CADM2: variants seen among roughly 807,000 people sequenced by gnomAD.
The protein encoded by CADM2 is cell adhesion molecule 2.
CADM2 carries 12 observed loss-of-function variants against 49.8 expected under a neutral mutation model. The observed-to-expected ratio is 0.24, with a 90% CI of 0.15 to 0.39. The LOEUF (loss-of-function observed/expected upper bound fraction) is 0.39. Among genes scored for constraint, CADM2 ranks in the 10% least tolerant of loss-of-function variants. The pLI, the probability that CADM2 is intolerant of heterozygous loss-of-function variation, is 1.00. For missense variants in CADM2, 378 were observed against 492.3 expected (o/e 0.77, Z 2.20); for synonymous variants, 214 against 175.4 (o/e 1.22, Z -1.74).
intron 1 of CADM2, among the ~76,000 whole-genome samples, chr3:85,327,338 C>T (rs1040393445): frequency 2.0e-5 from 3 of 151,942 alleles, no homozygotes; most frequent in Non-Finnish European, 2.9e-5. Flanking sequence ...TCACTGCAAC[C>T]TCCACCTCCC....
At position 85,886,289 on chromosome 3, in the gene CADM2, C is replaced by T; in HGVS notation, c.491C>T (p.Ala164Val). 2 of 1,613,352 alleles carry T rather than the reference C, an allele frequency of 1.2e-6. No homozygotes were observed. The highest frequency in any genetic ancestry group is 1.7e-6 in the Non-Finnish European group (2 of 1,179,700). ...AAAACATCTGGTAGTAAACCTGCAG[C>T]TGATATAAGATGGTTCAAAAATGAC... ...TCKTSGSKPA[A>V]DIRWFKNDKE... The change falls in exon 5 of 10, where the codon GCT becomes GTT. Residue 164 changes from alanine to valine, a missense_variant. Ala to Val is a moderately conservative substitution (Grantham distance 64, BLOSUM62 0). Coordinates refer to ENST00000383699, the MANE Select transcript of CADM2 (RefSeq NM_001167675.2).
intron 1 of CADM2, among the ~76,000 whole-genome samples, chr3:85,273,022 C>G (rs1384444280): frequency 1.3e-5 from 2 of 150,944 alleles, no homozygotes; most frequent in East Asian, 3.9e-4. Flanking sequence ...GTGAAGGAGC[C>G]TTATCATTGC....
rs1402794842 is a variant in CADM2 at position 85,430,877 on chromosome 3, T to G, written c.62-295645T>G. Among the ~76,000 whole-genome samples the G allele has an allele frequency of 2.0e-5, 3 of 152,060 alleles. No individual in the cohort carries two copies. In the South Asian group the frequency reaches 6.2e-4, roughly 31 times the overall value. On this transcript the variant is annotated intron_variant, in intron 1 of 9. Transcript: ENST00000383699. ...ACAGTATTTTTAAGAATTTGGCCTA[T>G]TAAAGGAGCAGAAGGTACTAACTAA... is the stretch of plus-strand genomic sequence containing the variant.
intron 7 of CADM2, among the ~76,000 whole-genome samples, chr3:85,953,579 G>A (rs916075206): frequency 6.6e-6 from 1 of 150,734 alleles, no homozygotes; most frequent in African/African-American, 2.4e-5. Context: ...CCTAATATAG[G>A]TGATGAATCT....
intron 2 of CADM2, among the ~76,000 whole-genome samples, chr3:85,778,728 T>G (rs1392684695): frequency 6.6e-6 from 1 of 152,146 alleles, no homozygotes; most frequent in Non-Finnish European, 1.5e-5. Context: ...ACTTATCTTT[T>G]ATGTATATGA....
intron 1 of CADM2, among the ~76,000 whole-genome samples, chr3:85,059,611 G>A (rs2036227079): frequency 6.6e-6 from 1 of 152,130 alleles, no homozygotes; most frequent in South Asian, 2.1e-4. Context: ...CCCGGTGGGA[G>A]GTGATTGAAC....
intron 5 of CADM2, among the ~76,000 whole-genome samples, chr3:85,899,068 C>T (rs961086606): frequency 7.0e-6 from 1 of 142,220 alleles, no homozygotes; most frequent in Admixed American, 7.3e-5. Flanking sequence ...TGGGTTGGAG[C>T]AATTCTCCTG....
chr3:86,013,649 A>G, intron 8 of CADM2: 2 of 1,603,170 alleles, frequency 1.2e-6, no homozygotes, highest in Non-Finnish European at 1.7e-6. Flanking sequence ...TAGTGGACAT[A>G]GCAGGGGAAG....
intron 1 of CADM2, among the ~76,000 whole-genome samples, chr3:85,707,376 A>G (rs2066981859): frequency 6.7e-6 from 1 of 148,382 alleles, no homozygotes; most frequent in Non-Finnish European, 1.5e-5. Flanking sequence ...TTTTCTAGGA[A>G]GACTATATCA....
rs774025391 is a variant in CADM2 at position 85,764,098 on chromosome 3, ATTTCT to A, written c.88+37557_88+37561del. Among the ~76,000 whole-genome samples the A allele has an allele frequency of 1.3e-4, 20 of 152,212 alleles. 1 individual carries two copies. Among genetic ancestry groups the A allele is most frequent in the Middle Eastern group, 6.8e-3 (2 of 294 alleles). ...ATATGTACTATCGTAGTGTTAGTAT[ATTTCT>A]TTTCTTCCGCATTATATTAAAAAAT... On this transcript the variant is annotated intron_variant, in intron 2 of 9. Transcript: ENST00000383699.
At chr3:85,300,104 T>C (rs2044058258) in intron 1 of CADM2, among the ~76,000 whole-genome samples, 1 of 152,076 alleles carries the variant, frequency 6.6e-6, no homozygotes. Flanking sequence ...GCATTTTCAA[T>C]TGAAGAGACT....
intron 1 of CADM2, among the ~76,000 whole-genome samples, chr3:85,038,883 C>A (rs1559629785): frequency 6.6e-6 from 1 of 152,042 alleles, no homozygotes. Flanking sequence ...TAAATAAATG[C>A]AAATGTAACA....
At chr3:85,636,331 TA>T (rs1270802014) in intron 1 of CADM2, among the ~76,000 whole-genome samples, 1 of 151,990 alleles carries the variant, frequency 6.6e-6, no homozygotes, top group Non-Finnish European at 1.5e-5. Context: ...CAAAAAAGCT[TA>T]AAAAATAAAA....
intron 1 of CADM2, among the ~76,000 whole-genome samples, chr3:85,609,036 G>C (rs1362408083): frequency 6.6e-6 from 1 of 151,622 alleles, no homozygotes; most frequent in Non-Finnish European, 1.5e-5. Context: ...TGTTTTCATT[G>C]TCACTCTGTT....
At chr3:85,877,719 T>G (rs1712127810) in intron 3 of CADM2, among the ~76,000 whole-genome samples, 1 of 147,672 alleles carries the variant, frequency 6.8e-6, no homozygotes, top group Non-Finnish European at 1.5e-5. Context: ...TTTTGTGGCT[T>G]CTTTCCCATG....
intron 2 of CADM2, among the ~76,000 whole-genome samples, chr3:85,780,198 T>C (rs1055880669): frequency 9.2e-5 from 14 of 152,166 alleles, no homozygotes; most frequent in African/African-American, 3.4e-4. Context: ...AATAAGGGTG[T>C]GACTAGTAGG....
chr3:85,739,621 A>G (rs758713417), intron 2 of CADM2, among the ~76,000 whole-genome samples: 1 of 152,132 alleles, frequency 6.6e-6, no homozygotes, highest in Non-Finnish European at 1.5e-5. Flanking sequence ...AGTTGCATCA[A>G]TTATAAGGAA....
rs533874890 is a variant in CADM2, at chr3:85,357,158, T to C, written c.62-369364T>C. On this transcript the variant is annotated intron_variant, in intron 1 of 9. Transcript: ENST00000383699. Reference sequence around the variant, plus strand: ...GGGAAAAAACCCTAAAAGCACAAGATACCTAGTCCTTTATTGGCTTAACTT... The same window carrying C: ...GGGAAAAAACCCTAAAAGCACAAGACACCTAGTCCTTTATTGGCTTAACTT... Among the ~76,000 whole-genome samples, 12 of 152,246 alleles carry C rather than the reference T, an allele frequency of 7.9e-5. No individual in the cohort carries two copies. The East Asian group carries it at 2.1e-3, about 27-fold the overall frequency.
chr3:85,497,824 C>CT (rs1456265153), intron 1 of CADM2, among the ~76,000 whole-genome samples: 1 of 151,992 alleles, frequency 6.6e-6, no homozygotes, highest in Non-Finnish European at 1.5e-5. Context: ...ATCTATCTGT[C>CT]TATCTATTTA....
Sources: gnomAD v4.1 joint callset for allele counts (sites outside exome capture counted in the v4.1 genomes callset) on GRCh38, gnomAD v4.1.1 for gene constraint, MANE v1.5 for transcripts, NCBI Gene and HGNC (gene_info 2026-07-23, HGNC 2026-07-21) for gene names.